CACNA1C: variants seen among roughly 807,000 people sequenced by gnomAD.
CACNA1C encodes calcium voltage-gated channel subunit alpha1 C, also known as voltage-dependent L-type calcium channel subunit alpha-1C.
Under a neutral mutation model 229.0 loss-of-function variants are expected in CACNA1C, and 30 were observed. That is an observed-to-expected ratio of 0.13 (90% CI 0.10 to 0.18). The LOEUF (loss-of-function observed/expected upper bound fraction) is 0.18. Among genes scored for constraint, CACNA1C ranks in the 10% least tolerant of loss-of-function variants. The pLI is 1.00. For synonymous variants in CACNA1C, 1,114 were observed against 1,132.5 expected (o/e 0.98, Z 0.33); for missense variants, 1,658 against 2,845.0 (o/e 0.58, Z 9.49).
intron 6 of CACNA1C, among the ~76,000 whole-genome samples, chr12:2,489,249 A>G (rs1202410804): frequency 6.6e-6 from 1 of 152,152 alleles, no homozygotes; most frequent in East Asian, 1.9e-4. Context: ...TTATAGTCCA[A>G]TATTATTTCA....
chr12:2,615,240 T>C (rs1007581162), intron 29 of CACNA1C, among the ~76,000 whole-genome samples: 1 of 152,208 alleles, frequency 6.6e-6, no homozygotes, highest in African/African-American at 2.4e-5. Context: ...AAGTGCTGGC[T>C]GGAATATTCT....
At chr12:2,557,083 G>C in intron 11 of CACNA1C, 106 bp downstream of exon 11, 1 of 849,374 alleles carries the variant, frequency 1.2e-6, no homozygotes, top group Admixed American at 1.9e-5. Flanking sequence ...AGTAGTGTAA[G>C]GGCTGTTCTT....
chr12:1,975,110 A>C (rs1298050740), intron 1 of CACNA1C, among the ~76,000 whole-genome samples: 1 of 152,196 alleles, frequency 6.6e-6, no homozygotes, highest in Non-Finnish European at 1.5e-5. Context: ...CTTCCTGATT[A>C]AAGAAAAGTC....
At chr12:2,464,076 T>C (rs1204752942) in intron 5 of CACNA1C, among the ~76,000 whole-genome samples, 1 of 152,076 alleles carries the variant, frequency 6.6e-6, no homozygotes, top group African/African-American at 2.4e-5. Flanking sequence ...AGAAGAACTT[T>C]CAGGAGGGAC....
rs572748844 is a variant in CACNA1C at position 2,467,848 on chromosome 12, G to A, written c.757+10142G>A. Among the ~76,000 whole-genome samples the A allele has an allele frequency of 6.6e-6, 1 of 152,356 alleles. No individual in the cohort carries two copies. On this transcript the variant is annotated intron_variant, in intron 5 of 46. Transcript: ENST00000399655. The surrounding 1 kb of genome is among the most constrained non-coding windows in gnomAD (Gnocchi z 4.6). Reference sequence around the variant, plus strand: ...GGGCCAGCAGCTCAAGGCCCACTCAGAGTCCCGACCCTGCTGCGACTTCTC... The same window carrying A: ...GGGCCAGCAGCTCAAGGCCCACTCAAAGTCCCGACCCTGCTGCGACTTCTC...
At chr12:2,475,092 G>A (rs527607806) in intron 5 of CACNA1C, among the ~76,000 whole-genome samples, 1 of 152,244 alleles carries the variant, frequency 6.6e-6, no homozygotes, top group South Asian at 2.1e-4. Flanking sequence ...GAGGTCAGGA[G>A]ATCGAGACCA....
rs2099443430 is a variant in CACNA1C at position 2,457,579 on chromosome 12, A to G, written c.630A>G (p.Ala210=). The change falls in exon 5 of 47, where the codon GCA becomes GCG. Residue 210 remains alanine, a synonymous_variant. Transcript: ENST00000399655. The stretch of plus-strand genomic sequence containing the variant: ...TCCTCTCTTCTAGGCTTTTTAGTGC[A>G]ATTTTAGAACAAGCAACCAAAGCAG... ...FIIVVVGLFS[A]ILEQATKADG... 6.2e-7 allele frequency: 1 copy of G among 1,610,776 alleles called. No homozygotes were observed. The highest frequency in any genetic ancestry group is 1.3e-5 in the African/African-American group (1 of 74,732).
chr12:2,194,778 C>T (rs533639847), intron 3 of CACNA1C, among the ~76,000 whole-genome samples: 4 of 152,276 alleles, frequency 2.6e-5, no homozygotes, highest in Admixed American at 6.5e-5. Context: ...CCGTGGAGCA[C>T]CTGAGGGGAG....
intron 3 of CACNA1C, among the ~76,000 whole-genome samples, chr12:2,314,793 A>G (rs2095606047): frequency 1.3e-5 from 2 of 152,092 alleles, no homozygotes; most frequent in Admixed American, 6.5e-5. Context: ...GTCTTTTTTT[A>G]ATGGAGAACA....
At chr12:2,191,845 TGC>T (rs1394413076) in intron 3 of CACNA1C, among the ~76,000 whole-genome samples, 1 of 68,050 alleles carries the variant, frequency 1.5e-5, no homozygotes. Context: ...GGCACACACA[TGC>T]ACTCACACAT....
At chr12:2,323,941 G>A (rs550113524) in intron 3 of CACNA1C, among the ~76,000 whole-genome samples, 1 of 152,294 alleles carries the variant, frequency 6.6e-6, no homozygotes, top group Non-Finnish European at 1.5e-5. Context: ...GGTGGTGAGT[G>A]AAGGGCATGG....
At chr12:2,006,045 A>T (rs2043357107) in intron 1 of CACNA1C, among the ~76,000 whole-genome samples, 1 of 152,248 alleles carries the variant, frequency 6.6e-6, no homozygotes, top group African/African-American at 2.4e-5. Flanking sequence ...GTTATTTTTA[A>T]TTTCCAATAT....
At chr12:2,688,416 C>T in intron 45 of CACNA1C, 31 bp from the exon 46 acceptor site, 1 of 1,609,424 alleles carries the variant, frequency 6.2e-7, no homozygotes, top group African/African-American at 1.3e-5. Context: ...TCGGCCACTC[C>T]TATTAACTCA....
chr12:2,597,356 C>G lies in CACNA1C; in HGVS notation c.2853+67C>G. On this transcript the variant is annotated intron_variant, in intron 21 of 46. Coordinates refer to ENST00000399655, the MANE Select transcript of CACNA1C (RefSeq NM_000719.7). The surrounding 1 kb of genome is among the most constrained non-coding windows in gnomAD (Gnocchi z 4.3). ...GCCAGCACCAGGTCTCTGCCGCTGT[C>G]TGTCGCTAACACACATGCTCCTTCC... 12 of 1,494,020 alleles carry G rather than the reference C, an allele frequency of 8.0e-6. No homozygotes were observed. Among genetic ancestry groups the G allele is most frequent in the Non-Finnish European group, 1.1e-5 (12 of 1,070,548 alleles). The allele number at this position is 1,494,020 out of a possible 1,614,324, so 92.5% of individuals were successfully genotyped here.
intron 3 of CACNA1C, among the ~76,000 whole-genome samples, chr12:2,135,947 GC>G (rs1435094139): frequency 6.7e-6 from 1 of 149,588 alleles, no homozygotes; most frequent in Non-Finnish European, 1.5e-5. Context: ...TGCTGTGCTA[GC>G]AATCAGCGAG....
chr12:2,478,677 A>G (rs555751457), intron 5 of CACNA1C, among the ~76,000 whole-genome samples: 2 of 152,340 alleles, frequency 1.3e-5, no homozygotes, highest in African/African-American at 4.8e-5. Context: ...GTAAACGATC[A>G]TCCTCTCTTT....
At chr12:2,321,345 G>A (rs2095988695) in intron 3 of CACNA1C, among the ~76,000 whole-genome samples, 1 of 151,900 alleles carries the variant, frequency 6.6e-6, no homozygotes, top group Admixed American at 6.6e-5. Context: ...GTCCCATTTT[G>A]AGCAAGGTGC....
At chr12:2,390,583 T>G (rs2098464976) in intron 3 of CACNA1C, among the ~76,000 whole-genome samples, 1 of 152,180 alleles carries the variant, frequency 6.6e-6, no homozygotes, top group South Asian at 2.1e-4. Flanking sequence ...GACGAAGTGC[T>G]TTGGGAAAAA....
intron 1 of CACNA1C, among the ~76,000 whole-genome samples, chr12:2,110,207 C>G (rs1023669264): frequency 2.8e-4 from 43 of 152,228 alleles, no homozygotes; most frequent in African/African-American, 1.0e-3. Context: ...CTGGCCAGAC[C>G]GTGCTGGGGT....
Sources: allele counts gnomAD v4.1 joint callset (sites outside exome capture counted in the v4.1 genomes callset), GRCh38; gene constraint gnomAD v4.1.1; non-coding constraint Gnocchi (gnomAD v3.1); transcripts MANE v1.5; gene names NCBI Gene and HGNC (gene_info 2026-07-23, HGNC 2026-07-21).